Variants in KCNAB1 observed in about 807,000 individuals in gnomAD.
KCNAB1 encodes the protein potassium voltage-gated channel subfamily A regulatory beta subunit 1.
KCNAB1 carries 35 observed loss-of-function variants against 64.6 expected under a neutral mutation model. That is an observed-to-expected ratio of 0.54 (90% CI 0.41 to 0.72). The LOEUF (loss-of-function observed/expected upper bound fraction) is 0.72, where lower values mean the gene tolerates loss of function less well. Among genes scored for constraint, KCNAB1 ranks in the 30% least tolerant of loss-of-function variants. The pLI, the probability that KCNAB1 is intolerant of heterozygous loss-of-function variation, is 0.00. For missense variants in KCNAB1, 401 were observed against 512.9 expected (o/e 0.78, Z 2.11); for synonymous variants, 177 against 183.8 (o/e 0.96, Z 0.30).
At chr3:156,380,468 C>T (rs577199419) in intron 1 of KCNAB1, among the ~76,000 whole-genome samples, 9 of 152,270 alleles carry the variant, frequency 5.9e-5, no homozygotes, top group Admixed American at 1.3e-4. Context: ...CCTAAGCTCT[C>T]CAAAATAACA....
intron 12 of KCNAB1, among the ~76,000 whole-genome samples, chr3:156,526,665 A>G (rs757897649): frequency 6.6e-6 from 1 of 152,154 alleles, no homozygotes; most frequent in African/African-American, 2.4e-5. Flanking sequence ...TATAGTAAGC[A>G]CCTCAGGCTC....
chr3:156,296,462 C>A (rs1469877015), intron 1 of KCNAB1, among the ~76,000 whole-genome samples: 1 of 26,398 alleles, frequency 3.8e-5, no homozygotes, highest in South Asian at 1.6e-3. Context: ...AACTTCAACT[C>A]CCCCCCCCCC....
chr3:156,284,931 G>A (rs924493229), intron 1 of KCNAB1, among the ~76,000 whole-genome samples: 2 of 152,208 alleles, frequency 1.3e-5, no homozygotes, highest in African/African-American at 2.4e-5. Flanking sequence ...CGTCTTCGTC[G>A]CTCTTGCTGG....
At chr3:156,138,090 TTTG>T (rs1714474495) in intron 1 of KCNAB1, among the ~76,000 whole-genome samples, 1 of 152,214 alleles carries the variant, frequency 6.6e-6, no homozygotes, top group South Asian at 2.1e-4. Flanking sequence ...TGCATTGTGT[TTTG>T]TTAACACAAC....
intron 1 of KCNAB1, among the ~76,000 whole-genome samples, chr3:156,381,451 G>C (rs1358375795): frequency 6.6e-6 from 1 of 152,138 alleles, no homozygotes; most frequent in African/African-American, 2.4e-5. Context: ...AGTGTAGAGA[G>C]AATAGAGCAT....
chr3:156,301,257 T>A (rs1208895436), intron 1 of KCNAB1, among the ~76,000 whole-genome samples: 2 of 152,186 alleles, frequency 1.3e-5, no homozygotes, highest in Non-Finnish European at 2.9e-5. Flanking sequence ...ACAACAACCT[T>A]GTTATAAAAA....
chr3:156,333,661 G>A lies in KCNAB1; in HGVS notation c.276-87955G>A, dbSNP rs145743418. Among the ~76,000 whole-genome samples the A allele has an allele frequency of 5.1e-3, 774 of 152,186 alleles. 6 individuals are homozygous for A. Among genetic ancestry groups the A allele is most frequent in the African/African-American group, 0.018 (738 of 41,526 alleles). ...TTTATAAGAGATGTAAAATTGCAGG[G>A]TCAAAATGAATGTCCATTTTAAATT... On this transcript the variant is annotated intron_variant, in intron 1 of 13. Transcript: ENST00000490337.
chr3:156,344,885 A>T (rs995003029), intron 1 of KCNAB1, among the ~76,000 whole-genome samples: 1 of 152,146 alleles, frequency 6.6e-6, no homozygotes, highest in Non-Finnish European at 1.5e-5. Context: ...TGACATATGC[A>T]TCGTACCCCA....
chr3:156,417,847 C>T (rs1418464649), intron 1 of KCNAB1, among the ~76,000 whole-genome samples: 1 of 152,196 alleles, frequency 6.6e-6, no homozygotes, highest in East Asian at 1.9e-4. Flanking sequence ...GGAGAGTCTG[C>T]CTTCAGAAAG....
At chr3:156,192,167 C>T (rs1428783189) in intron 1 of KCNAB1, among the ~76,000 whole-genome samples, 1 of 152,132 alleles carries the variant, frequency 6.6e-6, no homozygotes, top group Non-Finnish European at 1.5e-5. Flanking sequence ...AATTTTGAGA[C>T]TCATCCATGT....
rs139133034 is a variant in KCNAB1, at chr3:156,530,564, C to T, written c.1082-845C>T. ...GGAAGACGTGAACGCATAGGGGCAC[C>T]AGACCATGAACTGTGAGATTCTCTC... On this transcript the variant is annotated intron_variant, in intron 12 of 13. Transcript: ENST00000490337. Among the ~76,000 whole-genome samples the T allele has an allele frequency of 1.1e-4, 17 of 152,276 alleles. No homozygotes were observed. The Middle Eastern group carries it at 0.01, about 91-fold the overall frequency.
chr3:156,373,044 A>C (rs918151075), intron 1 of KCNAB1, among the ~76,000 whole-genome samples: 3 of 152,246 alleles, frequency 2.0e-5, no homozygotes, highest in Non-Finnish European at 4.4e-5. Context: ...ATTATGTGTA[A>C]ATTATAAACG....
chr3:156,242,270 C>T lies in KCNAB1; in HGVS notation c.275+121384C>T, dbSNP rs114582853. The stretch of plus-strand genomic sequence containing the variant: ...TTTCTCCATTCTCTTGCTGGTGCTT[C>T]TGTTATTCTTTATTTTAATTTTTTA... On this transcript the variant is annotated intron_variant, in intron 1 of 13. Transcript: ENST00000490337. 4.1e-3 allele frequency among the ~76,000 whole-genome samples: 619 copies of T among 152,148 alleles called. 5 individuals are homozygous for T. Among genetic ancestry groups the T allele is most frequent in the African/African-American group, 0.014 (586 of 41,522 alleles).
At chr3:156,271,873 T>C (rs573468203) in intron 1 of KCNAB1, among the ~76,000 whole-genome samples, 1 of 152,370 alleles carries the variant, frequency 6.6e-6, no homozygotes, top group South Asian at 2.1e-4. Flanking sequence ...TCTTAGGTGT[T>C]GTGATCTAAG....
intron 1 of KCNAB1, among the ~76,000 whole-genome samples, chr3:156,370,219 C>T (rs901684963): frequency 6.6e-6 from 1 of 152,154 alleles, no homozygotes; most frequent in Non-Finnish European, 1.5e-5. Context: ...CCTCTGATGT[C>T]AGCACTAAAA....
chr3:156,330,882 T>A (rs1425463491), intron 1 of KCNAB1, among the ~76,000 whole-genome samples: 1 of 152,198 alleles, frequency 6.6e-6, no homozygotes, highest in African/African-American at 2.4e-5. Flanking sequence ...GCAAAGCCCT[T>A]GGCATTCCTT....
At chr3:156,137,390 TGC>T (rs1386474216) in intron 1 of KCNAB1, among the ~76,000 whole-genome samples, 3 of 152,250 alleles carry the variant, frequency 2.0e-5, no homozygotes, top group African/African-American at 7.2e-5. Flanking sequence ...TGTACTCCCA[TGC>T]ACTGTAACAT....
At chr3:156,380,740 C>A (rs1317814209) in intron 1 of KCNAB1, among the ~76,000 whole-genome samples, 1 of 152,150 alleles carries the variant, frequency 6.6e-6, no homozygotes, top group Admixed American at 6.6e-5. Flanking sequence ...TTTCTTCCTT[C>A]CTCCCTGAAA....
intron 1 of KCNAB1, among the ~76,000 whole-genome samples, chr3:156,270,091 AT>A (rs1718938658): frequency 6.6e-6 from 1 of 151,188 alleles, no homozygotes; most frequent in African/African-American, 2.4e-5. Context: ...AATTTTTTGT[AT>A]TTTTTAGTAG....
Sources: allele counts gnomAD v4.1 joint callset (sites outside exome capture counted in the v4.1 genomes callset), GRCh38; gene constraint gnomAD v4.1.1; transcripts MANE v1.5; gene names NCBI Gene and HGNC (gene_info 2026-07-23, HGNC 2026-07-21).